BAHCC1: variants seen among roughly 807,000 people sequenced by gnomAD.
The protein encoded by BAHCC1 is BAH and coiled-coil domain-containing protein 1.
Under a neutral mutation model 88.2 loss-of-function variants are expected in BAHCC1, and 43 were observed. The observed-to-expected ratio is 0.49, with a 90% CI of 0.38 to 0.63. BAHCC1 has a LOEUF of 0.63. Ranked by LOEUF, BAHCC1 falls within the 20% of genes least tolerant of loss-of-function variation. BAHCC1 has a pLI of 0.00. For missense variants in BAHCC1, 3,023 were observed against 1,654.8 expected (o/e 1.83, Z -14.34); for synonymous variants, 1,510 against 745.5 (o/e 2.03, Z -16.71).
At chr17:81,451,498 CAG>C (rs141675178) in intron 11 of BAHCC1, among the ~76,000 whole-genome samples, 168 bp from the exon 12 acceptor site, 97 of 152,306 alleles carry the variant, frequency 6.4e-4, no homozygotes, top group African/African-American at 2.2e-3. Flanking sequence ...TGCAGCAAAA[CAG>C]GGGTGCTGGG....
chr17:81,451,503 G>A (rs2064633512), intron 11 of BAHCC1, among the ~76,000 whole-genome samples, 165 bp from the exon 12 acceptor site: 1 of 152,178 alleles, frequency 6.6e-6, no homozygotes, highest in African/African-American at 2.4e-5. Flanking sequence ...CAAAACAGGG[G>A]TGCTGGGTGT....
At chr17:81,418,062 G>T (rs1238920584) in intron 2 of BAHCC1, among the ~76,000 whole-genome samples, 9 of 152,248 alleles carry the variant, frequency 5.9e-5, no homozygotes, top group Non-Finnish European at 1.3e-4. Context: ...GTGGCCCCAG[G>T]GGGCCAAGGC....
At chr17:81,452,946 G>A (rs2064671807) in intron 14 of BAHCC1, 95 bp downstream of exon 14, 3 of 615,916 alleles carry the variant, frequency 4.9e-6, no homozygotes, top group South Asian at 1.8e-5. Context: ...AGGCTTCCAG[G>A]CTGCTGGTGC....
intron 2 of BAHCC1, among the ~76,000 whole-genome samples, chr17:81,409,233 C>A (rs950494467): frequency 4.6e-5 from 7 of 152,184 alleles, no homozygotes; most frequent in African/African-American, 1.7e-4. Context: ...GTTGTCATGG[C>A]GGCTCCTGAG....
intron 8 of BAHCC1, 23 bp from the exon 9 acceptor site, chr17:81,444,992 C>A: frequency 1.4e-6 from 1 of 728,154 alleles, no homozygotes; most frequent in East Asian, 2.5e-5. Flanking sequence ...GCCAGGCTGA[C>A]CCCTCCTGGG....
At chr17:81,428,262 C>T (rs907134968) in intron 3 of BAHCC1, among the ~76,000 whole-genome samples, 2 of 152,196 alleles carry the variant, frequency 1.3e-5, no homozygotes, top group Admixed American at 1.3e-4. Flanking sequence ...TCATATGCCC[C>T]ACCCCGCCTC....
intron 26 of BAHCC1, 105 bp from the exon 27 acceptor site, chr17:81,462,635 C>G (rs2030401937): frequency 1.5e-6 from 1 of 646,786 alleles, no homozygotes; most frequent in East Asian, 2.6e-5. Flanking sequence ...CACTCACACT[C>G]AGACTCACAC....
intron 2 of BAHCC1, among the ~76,000 whole-genome samples, chr17:81,424,678 ATGG>A (rs1192769383): frequency 6.8e-6 from 1 of 146,304 alleles, no homozygotes; most frequent in African/African-American, 2.5e-5. Context: ...GGTTGGGGGC[ATGG>A]TGGTGGAGGT....
chr17:81,403,716 A>G (rs1418288208), intron 2 of BAHCC1, among the ~76,000 whole-genome samples: 2 of 152,220 alleles, frequency 1.3e-5, no homozygotes, highest in Non-Finnish European at 2.9e-5. Flanking sequence ...GTAGGTGTGA[A>G]AAGAGTTACT....
Position 81,411,235 on chromosome 17 carries a change from C to T in BAHCC1, c.178+11318C>T, listed in dbSNP as rs556479849. On this transcript the variant is annotated intron_variant, in intron 2 of 27. Coordinates refer to ENST00000675386, the MANE Select transcript of BAHCC1 (RefSeq NM_001377448.1). This position sits in a 1 kb window ranked among gnomAD's most constrained non-coding sequence, Gnocchi z 6.2. The stretch of plus-strand genomic sequence containing the variant: ...TGCCCAGTGGGGCCCCAGGAGGACT[C>T]GCCACCCCCAGTTGAGCAGCTCCCC... 159 of 511,464 alleles carry T rather than the reference C, an allele frequency of 3.1e-4. No individual in the cohort carries two copies. The highest frequency in any genetic ancestry group is 2.9e-3 in the African/African-American group (152 of 51,894). The allele number at this position is 511,464 out of a possible 1,614,324, so 31.7% of individuals were successfully genotyped here. A position where few individuals can be genotyped will look rare whatever the true frequency, so the allele number is the denominator to read the frequency against.
intron 17 of BAHCC1, 38 bp downstream of exon 17, chr17:81,457,630 G>A (rs34833517): frequency 4.5e-6 from 3 of 670,844 alleles, no homozygotes; most frequent in Admixed American, 4.3e-5. Flanking sequence ...TAGGTAACCA[G>A]GAGGGAGGGC....
intron 10 of BAHCC1, among the ~76,000 whole-genome samples, chr17:81,446,227 A>G (rs2064524244): frequency 6.6e-6 from 1 of 152,042 alleles, no homozygotes; most frequent in Admixed American, 6.5e-5. Flanking sequence ...TCCTAGTTTC[A>G]CAGTCAGGAG....
In BAHCC1 at chr17:81,434,093, G is replaced by T. The variant is rs890463770; in HGVS notation, c.359-4277G>T. Among the ~76,000 whole-genome samples, 1 of 152,296 alleles carries T rather than the reference G, an allele frequency of 6.6e-6. No individual in the cohort carries two copies. Among genetic ancestry groups the T allele is most frequent in the South Asian group, 2.1e-4 (1 of 4,828 alleles). On this transcript the variant is annotated intron_variant, in intron 3 of 27. Transcript: ENST00000675386. The surrounding 1 kb of genome is among the most constrained non-coding windows in gnomAD (Gnocchi z 4.9). ...CCCGGGACTCCCCTGGGGTCACTGT[G>T]GGGGGAGTAACAGGGGATCTGGCAG...
Position 81,441,848 on chromosome 17 carries a change from A to G in BAHCC1, c.499A>G (p.Asn167Asp). Residue 167 changes from asparagine (N) to aspartate (D), a missense_variant, in exon 5 of 28, where the codon AAC becomes GAC. Asn to Asp is a conservative substitution (Grantham distance 23). Transcript: ENST00000675386. ...CCACACAGATAACTTCTACCTGCGC[A>G]ACCTGCCGCCCCAGCCCACGCTGCT... Reference protein sequence around the residue: ...GTQKDNFYLRNLPPQPTLLPA... With the variant: ...GTQKDNFYLRDLPPQPTLLPA... 1.5e-6 allele frequency: 1 copy of G among 661,840 alleles called. No individual in the cohort carries two copies. Among genetic ancestry groups the G allele is most frequent in the Non-Finnish European group, 2.8e-6 (1 of 357,768 alleles). 41.0% of individuals were successfully genotyped at this position (661,840 alleles called of 1,614,324 possible).
At chr17:81,427,698 AC>A (rs2064216363) in intron 3 of BAHCC1, among the ~76,000 whole-genome samples, 1 of 151,958 alleles carries the variant, frequency 6.6e-6, no homozygotes, top group Non-Finnish European at 1.5e-5. Flanking sequence ...GGCCACCCCA[AC>A]CCTACAGCGT....
chr17:81,461,952 G>T lies in BAHCC1; in HGVS notation c.7289G>T (p.Arg2430Leu), dbSNP rs782642998. Residue 2430 changes from arginine (R) to leucine (L), a missense_variant, in exon 26 of 28, where the codon CGG becomes CTG. Transcript: ENST00000675386. ...TTCTCCAAAGCCAAAGAGCTCTCCC[G>T]GAGGCAGCGGCCGCCCTCCGTGGAA... ...LSFSKAKELSRRQRPPSVENR... is the reference protein window; with the variant it reads ...LSFSKAKELSLRQRPPSVENR... 1.3e-6 allele frequency: 1 copy of T among 769,338 alleles called. No individual in the cohort carries two copies. Among genetic ancestry groups the T allele is most frequent in the South Asian group, 1.4e-5 (1 of 72,626 alleles). The allele number at this position is 769,338 out of a possible 1,614,324, so 47.7% of individuals were successfully genotyped here.
At position 81,441,914 on chromosome 17, in the gene BAHCC1, C is replaced by A; in HGVS notation, c.565C>A (p.Pro189Thr). The A allele has an allele frequency of 1.4e-6, 1 of 710,370 alleles. No individual in the cohort carries two copies. The highest frequency in any genetic ancestry group is 2.6e-6 in the Non-Finnish European group (1 of 378,654). The allele number at this position is 710,370 out of a possible 1,614,324, so 44.0% of individuals were successfully genotyped here. A position where few individuals can be genotyped will look rare whatever the true frequency, so the allele number is the denominator to read the frequency against. ...HNFPSVARAA[P>T]AHPMGSCSRD... ...CTTCCCCAGCGTGGCCCGGGCCGCC[C>A]CTGCCCACCCCATGGGCTCCTGCAG... Residue 189 changes from proline to threonine, a missense_variant, in exon 5 of 28, where the codon CCT (proline) becomes ACT (threonine). By Grantham distance (38) the Pro-to-Thr change is conservative (BLOSUM62 -1). Coordinates refer to ENST00000675386, the MANE Select transcript of BAHCC1 (RefSeq NM_001377448.1).
chr17:81,441,415 T>C (rs981922540), intron 4 of BAHCC1, among the ~76,000 whole-genome samples: 31 of 152,190 alleles, frequency 2.0e-4, no homozygotes, highest in East Asian at 1.5e-3. Flanking sequence ...GTAATCCCAG[T>C]ACTTTGGGAG....
chr17:81,455,645 A>T (rs1375773339), intron 15 of BAHCC1, among the ~76,000 whole-genome samples: 1 of 152,198 alleles, frequency 6.6e-6, no homozygotes, highest in Non-Finnish European at 1.5e-5. Flanking sequence ...TCCAGCAGGA[A>T]AGCAAATGCC....
Sources: allele counts gnomAD v4.1 joint callset (sites outside exome capture counted in the v4.1 genomes callset), GRCh38; gene constraint gnomAD v4.1.1; non-coding constraint Gnocchi (gnomAD v3.1); transcripts MANE v1.5; gene names NCBI Gene and HGNC (gene_info 2026-07-23, HGNC 2026-07-21).